FAT1: variants seen among roughly 807,000 people sequenced by gnomAD.
The protein encoded by FAT1 is protocadherin Fat 1.
Under a neutral mutation model 329.8 loss-of-function variants are expected in FAT1, and 171 were observed. The ratio of observed to expected loss-of-function variants is 0.52; its 90% CI spans 0.46 to 0.59. The LOEUF is 0.59. Ranked by LOEUF, FAT1 falls within the 20% of genes least tolerant of loss-of-function variation. The pLI is 0.00. For missense variants in FAT1, 5,672 were observed against 5,774.4 expected (o/e 0.98, Z 0.57); for synonymous variants, 2,233 against 2,228.6 (o/e 1.00, Z -0.06).
intron 3 of FAT1, among the ~76,000 whole-genome samples, chr4:186,642,091 C>T (rs760851495): frequency 1.1e-4 from 17 of 152,074 alleles, no homozygotes; most frequent in Non-Finnish European, 2.1e-4. Context: ...ATGTTCTATA[C>T]TCCTCAAATT....
chr4:186,703,013 C>G (rs1744400216), intron 2 of FAT1, among the ~76,000 whole-genome samples: 1 of 152,196 alleles, frequency 6.6e-6, no homozygotes. Flanking sequence ...AACTGGCTCT[C>G]TAACGAGACC....
chr4:186,717,841 A>G (rs140147055), intron 1 of FAT1, among the ~76,000 whole-genome samples: 1 of 152,138 alleles, frequency 6.6e-6, no homozygotes, highest in East Asian at 1.9e-4. Context: ...CCCTCTCTAT[A>G]TATTCCTTAT....
In FAT1 at chr4:186,677,213, C is replaced by T. The variant is rs146133553; in HGVS notation, c.3266-13600G>A. Among the ~76,000 whole-genome samples the T allele has an allele frequency of 7.9e-5, 12 of 152,252 alleles. 1 individual carries two copies. The East Asian group carries it at 2.3e-3, about 29-fold the overall frequency. The stretch of plus-strand genomic sequence containing the variant: ...AAGCAGTGTTCAGCTACTTCTAATA[C>T]CCAATTTGTTGCCAAAACCAATACC... On this transcript the variant is annotated intron_variant, in intron 2 of 26. Transcript: ENST00000441802.
chr4:186,589,426 C>G (rs900797618), intron 26 of FAT1, among the ~76,000 whole-genome samples: 1 of 152,148 alleles, frequency 6.6e-6, no homozygotes, highest in African/African-American at 2.4e-5. Context: ...GGCTCTAGTT[C>G]TAAAATGTGG....
rs751108060 is a variant in FAT1, at chr4:186,603,579, G to T, written c.10947C>A (p.Asn3649Lys). ...CACCAACGAATTCTTCCGGAGTGAG[G>T]TTGGCAAAGCGGATCGCGATGGTGT... ...LNHTIAIRFA[N>K]LTPEEFVGDY... Residue 3649 changes from asparagine (N) to lysine (K), a missense_variant, in exon 19 of 27, where the codon AAC becomes AAA. Around this residue, in one of 2 missense-constraint regions of FAT1, gnomAD observed 1,706 missense variants for 1,859.1 expected, o/e 0.92. Coordinates refer to ENST00000441802, the MANE Select transcript of FAT1 (RefSeq NM_005245.4). The T allele has an allele frequency of 6.2e-7, 1 of 1,613,990 alleles. No individual in the cohort carries two copies. Among genetic ancestry groups the T allele is most frequent in the East Asian group, 2.2e-5 (1 of 44,880 alleles).
rs2126501989 is a variant in FAT1, at chr4:186,619,080, A to G, written c.7506T>C (p.Ala2502=). 6.2e-7 allele frequency: 1 copy of G among 1,613,964 alleles called. No individual in the cohort carries two copies. Among genetic ancestry groups the G allele is most frequent in the Non-Finnish European group, 8.5e-7 (1 of 1,179,890 alleles). The change falls in exon 10 of 27, where the codon GCT becomes GCC. Residue 2502 remains alanine (A), a synonymous_variant. Transcript: ENST00000441802. The part of the protein sequence containing the change: ...FLQNEYEVEL[A]ENAPLHTLVM... ...CCAGGGTATGTAGGGGAGCGTTTTC[A>G]GCTAGTTCCACTTCATATTCGTTCT...
In FAT1 at chr4:186,597,999, T is replaced by C. The variant is rs1478574372; in HGVS notation, c.12230A>G (p.Gln4077Arg). The C allele has an allele frequency of 1.9e-6, 3 of 1,613,072 alleles. No individual in the cohort carries two copies. The highest frequency in any genetic ancestry group is 2.5e-6 in the Non-Finnish European group (3 of 1,179,716). ...CVVDNGGFVC[Q>R]CRGLYTGQRC... Reference sequence around the variant, plus strand: ...CTGACCAGTATATAATCCTCTACACTGGCAAACAAAGCCTCCGTTGTCGAC... The same window carrying C: ...CTGACCAGTATATAATCCTCTACACCGGCAAACAAAGCCTCCGTTGTCGAC... The change falls in exon 23 of 27, where the codon CAG becomes CGG. Residue 4077 changes from glutamine (Q) to arginine (R), a missense_variant. Transcript: ENST00000441802.
chr4:186,647,787 G>A (rs1347461508), intron 3 of FAT1, among the ~76,000 whole-genome samples: 1 of 152,172 alleles, frequency 6.6e-6, no homozygotes, highest in Non-Finnish European at 1.5e-5. Flanking sequence ...TAAAGGAAGT[G>A]TCTAGTTTAA....
At chr4:186,600,397 T>C (rs978612824) in intron 21 of FAT1, 37 bp from the exon 22 acceptor site, 19 of 1,536,646 alleles carry the variant, frequency 1.2e-5, no homozygotes, top group South Asian at 1.1e-4. Flanking sequence ...ATTACTCTCA[T>C]AGAACCTTCA....
chr4:186,636,254 G>A lies in FAT1; in HGVS notation c.3973-19C>T, dbSNP rs969843048. 1.2e-6 allele frequency: 2 copies of A among 1,609,674 alleles called. No homozygotes were observed. Among genetic ancestry groups the A allele is most frequent in the Non-Finnish European group, 1.7e-6 (2 of 1,176,060 alleles). On this transcript the variant is annotated intron_variant, in intron 5 of 26. Coordinates refer to ENST00000441802, the MANE Select transcript of FAT1 (RefSeq NM_005245.4). ...CCTTAATCTACAACATTTGGGCAGA[G>A]GGGATTAAAAACAGCAAATCAGGAG...
rs1739122898 is a variant in FAT1 at position 186,606,119 on chromosome 4, T to C, written c.10301A>G (p.Asn3434Ser). The change falls in exon 17 of 27, where the codon AAT (asparagine) becomes AGT (serine). Residue 3434 changes from asparagine (N) to serine (S), a missense_variant. Asn to Ser is a conservative substitution (Grantham distance 46, BLOSUM62 1). Transcript: ENST00000441802. The part of the protein sequence containing the change: ...TTVNIDVSDV[N>S]DNAPVFSRGN... ...CCTGGAGAAGACGGGCGCGTTGTCA[T>C]TGACATCGGACACATCGATGTTCAC... 1 of 1,613,410 alleles carries C rather than the reference T, an allele frequency of 6.2e-7. No homozygotes were observed. Among genetic ancestry groups the C allele is most frequent in the Non-Finnish European group, 8.5e-7 (1 of 1,179,806 alleles).
At chr4:186,712,488 G>T (rs1038965701) in intron 1 of FAT1, among the ~76,000 whole-genome samples, 1 of 152,178 alleles carries the variant, frequency 6.6e-6, no homozygotes, top group Admixed American at 6.5e-5. Flanking sequence ...AGACGCTGGG[G>T]ATTCAAAAGT....
At chr4:186,700,665 G>A (rs112907122) in intron 2 of FAT1, among the ~76,000 whole-genome samples, 152 of 152,318 alleles carry the variant, frequency 1.0e-3, no homozygotes, top group African/African-American at 3.6e-3. Context: ...TCTTCAAAGA[G>A]TAAGAGGAGT....
chr4:186,701,026 G>A (rs1443850509), intron 2 of FAT1, among the ~76,000 whole-genome samples: 1 of 152,160 alleles, frequency 6.6e-6, no homozygotes, highest in Non-Finnish European at 1.5e-5. Flanking sequence ...GCTCCACAAC[G>A]TGGGACGGCC....
At chr4:186,687,051 C>T (rs1743501254) in intron 2 of FAT1, among the ~76,000 whole-genome samples, 1 of 152,162 alleles carries the variant, frequency 6.6e-6, no homozygotes, top group African/African-American at 2.4e-5. Flanking sequence ...ATCTGGCATA[C>T]AAGAGACGCT....
At chr4:186,653,277 G>A (rs1471692378) in intron 3 of FAT1, among the ~76,000 whole-genome samples, 1 of 152,152 alleles carries the variant, frequency 6.6e-6, no homozygotes, top group African/African-American at 2.4e-5. Context: ...CTTCTAATGA[G>A]AAACAATTAC....
At chr4:186,663,825 A>C (rs1479824347) in intron 2 of FAT1, among the ~76,000 whole-genome samples, 1 of 152,204 alleles carries the variant, frequency 6.6e-6, no homozygotes, top group African/African-American at 2.4e-5. Flanking sequence ...GCATATAATG[A>C]TTAGAACACT....
At chr4:186,674,678 T>TA (rs1236935708) in intron 2 of FAT1, among the ~76,000 whole-genome samples, 3 of 152,142 alleles carry the variant, frequency 2.0e-5, no homozygotes, top group Admixed American at 6.6e-5. Flanking sequence ...AAAAGGATAT[T>TA]AAAAAAAATC....
chr4:186,628,536 A>C lies in FAT1; in HGVS notation c.4551T>G (p.Ser1517=). ...LDPATGSLYT[S]EKLDHEAVHQ... ...GAACAGCTTCATGATCCAGTTTCTC[A>C]GAAGTATAGAGAGAGCCGGTTGCAG... Residue 1517 remains serine (S), a synonymous_variant, in exon 8 of 27, where the codon TCT becomes TCG. Coordinates refer to ENST00000441802, the MANE Select transcript of FAT1 (RefSeq NM_005245.4). 6.2e-7 allele frequency: 1 copy of C among 1,614,016 alleles called. No individual in the cohort carries two copies. The highest frequency in any genetic ancestry group is 8.5e-7 in the Non-Finnish European group (1 of 1,179,884).
Sources: allele counts gnomAD v4.1 joint callset (sites outside exome capture counted in the v4.1 genomes callset), GRCh38; gene constraint gnomAD v4.1.1; regional missense constraint gnomAD v4.1.1; transcripts MANE v1.5; gene names NCBI Gene and HGNC (gene_info 2026-07-23, HGNC 2026-07-21).